ATG10: variants seen among roughly 807,000 people sequenced by gnomAD.
The protein encoded by ATG10 is ubiquitin-like-conjugating enzyme ATG10.
ATG10 carries 30 observed loss-of-function variants against 32.1 expected under a neutral mutation model. The ratio of observed to expected loss-of-function variants is 0.94; its 90% CI spans 0.70 to 1.27. The LOEUF is 1.27. Among genes scored for constraint, ATG10 ranks in the 50% most tolerant of loss-of-function variants. ATG10 has a pLI of 0.00. For synonymous variants in ATG10, 87 were observed against 91.5 expected (o/e 0.95, Z 0.28); for missense variants, 233 against 262.3 (o/e 0.89, Z 0.77).
intron 2 of ATG10, among the ~76,000 whole-genome samples, chr5:81,995,211 A>G (rs1429477536): frequency 1.3e-5 from 2 of 152,014 alleles, no homozygotes; most frequent in Non-Finnish European, 2.9e-5. Flanking sequence ...ACTCACTGCA[A>G]CCTCCGGCTC....
intron 3 of ATG10, among the ~76,000 whole-genome samples, chr5:82,081,265 T>C (rs920122701): frequency 6.6e-6 from 1 of 152,240 alleles, no homozygotes; most frequent in Non-Finnish European, 1.5e-5. Context: ...TGGGCTGAGA[T>C]GATGAGGTTT....
chr5:81,979,522 C>T (rs963209070), intron 1 of ATG10, among the ~76,000 whole-genome samples: 5 of 151,726 alleles, frequency 3.3e-5, no homozygotes, highest in Non-Finnish European at 5.9e-5. Flanking sequence ...AGCGACACTC[C>T]GTCTCAAAAA....
At chr5:82,000,463 C>G (rs1235144874) in intron 2 of ATG10, among the ~76,000 whole-genome samples, 1 of 152,048 alleles carries the variant, frequency 6.6e-6, no homozygotes, top group African/African-American at 2.4e-5. Context: ...GAAGTCCTGG[C>G]CAGAGCAATC....
intron 2 of ATG10, among the ~76,000 whole-genome samples, chr5:82,006,066 T>G (rs1761979678): frequency 6.6e-6 from 1 of 152,194 alleles, no homozygotes; most frequent in South Asian, 2.1e-4. Flanking sequence ...AAATTTCATT[T>G]TATTCTGAGT....
At chr5:82,191,791 C>T (rs1260551470) in intron 5 of ATG10, among the ~76,000 whole-genome samples, 3 of 152,114 alleles carry the variant, frequency 2.0e-5, no homozygotes, top group Admixed American at 6.5e-5. Flanking sequence ...GGACTCTTTC[C>T]CCAGACACAC....
intron 3 of ATG10, among the ~76,000 whole-genome samples, chr5:82,153,210 A>G (rs775031210): frequency 2.6e-5 from 4 of 152,176 alleles, no homozygotes; most frequent in Non-Finnish European, 4.4e-5. Flanking sequence ...AGCAAACACC[A>G]TATCTGTTTG....
At chr5:82,253,155 G>T (rs1470994873) in intron 6 of ATG10, among the ~76,000 whole-genome samples, 159 bp from the exon 7 acceptor site, 1 of 152,192 alleles carries the variant, frequency 6.6e-6, no homozygotes, top group African/African-American at 2.4e-5. Context: ...GTCAAGCAAT[G>T]GGGCTGGCAT....
chr5:82,059,293 A>G (rs1412632004), intron 3 of ATG10, among the ~76,000 whole-genome samples: 3 of 152,136 alleles, frequency 2.0e-5, no homozygotes, highest in Non-Finnish European at 4.4e-5. Flanking sequence ...ATAATAGAGA[A>G]ATATATAAAA....
At chr5:82,135,709 G>A (rs1766706822) in intron 3 of ATG10, among the ~76,000 whole-genome samples, 1 of 152,188 alleles carries the variant, frequency 6.6e-6, no homozygotes, top group Non-Finnish European at 1.5e-5. Context: ...ATTTGGGGTG[G>A]AGAGTTCTGT....
chr5:82,051,359 C>A (rs912751582), intron 2 of ATG10, among the ~76,000 whole-genome samples: 8 of 152,224 alleles, frequency 5.3e-5, no homozygotes, highest in African/African-American at 1.9e-4. Flanking sequence ...CCAGCCCTTT[C>A]CCCCAAGAAG....
chr5:82,184,940 G>A (rs1407749642), intron 5 of ATG10, among the ~76,000 whole-genome samples: 2 of 152,162 alleles, frequency 1.3e-5, no homozygotes, highest in Non-Finnish European at 2.9e-5. Context: ...AAGTCTGGCT[G>A]CCCCTCCTGT....
At chr5:82,244,272 G>A (rs1178513534) in intron 5 of ATG10, among the ~76,000 whole-genome samples, 1 of 152,154 alleles carries the variant, frequency 6.6e-6, no homozygotes, top group Non-Finnish European at 1.5e-5. Flanking sequence ...CTAGAGGTTG[G>A]AAGTCAGGAA....
At chr5:82,070,239 A>G (rs1237445091) in intron 3 of ATG10, among the ~76,000 whole-genome samples, 3 of 152,200 alleles carry the variant, frequency 2.0e-5, no homozygotes, top group African/African-American at 7.2e-5. Flanking sequence ...GGAGGGTACA[A>G]CAGCCTGGCA....
At position 82,181,719 on chromosome 5, in the gene ATG10, A is replaced by G. The variant is rs530065992; in HGVS notation, c.453+3132A>G. On this transcript the variant is annotated intron_variant, in intron 5 of 7. Transcript: ENST00000282185. ...GCTTAAAAACAAATGCAGCCTTTGC[A>G]TAATATAAAATGCATTTCACTTCAT... Among the ~76,000 whole-genome samples the G allele has an allele frequency of 5.3e-5, 8 of 152,300 alleles. No individual in the cohort carries two copies. The East Asian group carries it at 1.3e-3, about 26-fold the overall frequency.
At chr5:81,983,544 G>T (rs1452162372) in intron 1 of ATG10, among the ~76,000 whole-genome samples, 1 of 146,934 alleles carries the variant, frequency 6.8e-6, no homozygotes, top group African/African-American at 2.6e-5. Context: ...GGATGGGGCC[G>T]CTGGCCGGGC....
chr5:82,020,159 G>A lies in ATG10; in HGVS notation c.108+32481G>A, dbSNP rs114613659. ...GTGACTGCATCCAGTTAAACCAGTC[G>A]ATGTCCCTCCTTCCAGTTTTTAAGC... On this transcript the variant is annotated intron_variant, in intron 2 of 7. Coordinates refer to ENST00000282185, the MANE Select transcript of ATG10 (RefSeq NM_031482.5). Among the ~76,000 whole-genome samples, 909 of 152,312 alleles carry A rather than the reference G, an allele frequency of 6.0e-3. 8 individuals are homozygous for A. Among genetic ancestry groups the A allele is most frequent in the African/African-American group, 0.02 (844 of 41,574 alleles).
intron 2 of ATG10, among the ~76,000 whole-genome samples, chr5:82,021,738 G>T (rs1219749002): frequency 6.6e-6 from 1 of 151,462 alleles, no homozygotes; most frequent in Non-Finnish European, 1.5e-5. Flanking sequence ...AAATTAGCTG[G>T]GCGTGGCTGG....
chr5:82,212,326 CTCTT>C (rs1745525734), intron 5 of ATG10, among the ~76,000 whole-genome samples: 1 of 152,198 alleles, frequency 6.6e-6, no homozygotes, highest in Non-Finnish European at 1.5e-5. Flanking sequence ...GAATCCTAAA[CTCTT>C]TCTTCTCAAG....
intron 2 of ATG10, among the ~76,000 whole-genome samples, chr5:82,052,372 T>C (rs1763458765): frequency 6.6e-6 from 1 of 152,176 alleles, no homozygotes; most frequent in Non-Finnish European, 1.5e-5. Flanking sequence ...CAGGAAATCC[T>C]TAGATCTCCA....
Sources: allele counts gnomAD v4.1 joint callset (sites outside exome capture counted in the v4.1 genomes callset), GRCh38; gene constraint gnomAD v4.1.1; transcripts MANE v1.5; gene names NCBI Gene and HGNC (gene_info 2026-07-23, HGNC 2026-07-21).